The following COL5A2 variants were observed in gnomAD, a reference collection of about 807,000 sequenced individuals.
The protein encoded by COL5A2 is collagen alpha-2(V) chain.
COL5A2 carries 23 observed loss-of-function variants against 208.2 expected under a neutral mutation model. The observed-to-expected ratio is 0.11, with a 90% CI of 0.08 to 0.16. COL5A2 has a LOEUF of 0.16. Among genes scored for constraint, COL5A2 ranks in the 10% least tolerant of loss-of-function variants. COL5A2 has a pLI of 1.00. For missense variants in COL5A2, 1,590 were observed against 1,956.4 expected, an observed-to-expected ratio of 0.81 and a Z score of 3.53; for synonymous variants, 625 against 628.5, an observed-to-expected ratio of 0.99 and a Z score of 0.08.
At chr2:189,058,402 A>T in intron 33 of COL5A2, 27 bp downstream of exon 33, 1 of 1,570,826 alleles carries the variant, frequency 6.4e-7, no homozygotes, top group Non-Finnish European at 8.8e-7. Flanking sequence ...AAGCATTTTA[A>T]AACACTGAGA....
At chr2:189,206,359 T>C (rs1019897229) in intron 1 of COL5A2, among the ~76,000 whole-genome samples, 2 of 152,162 alleles carry the variant, frequency 1.3e-5, no homozygotes, top group African/African-American at 4.8e-5. Context: ...TATGACACTC[T>C]CAGAAACCTA....
chr2:189,371,185 C>T, the COL5A2 span, among the ~76,000 whole-genome samples: 1 of 152,144 alleles, frequency 6.6e-6, no homozygotes, highest in African/African-American at 2.4e-5. Flanking sequence ...GAGACCTCAC[C>T]AGGAGCAGAT....
intron 1 of COL5A2, among the ~76,000 whole-genome samples, chr2:189,133,271 C>A (rs1687759230): frequency 7.4e-6 from 1 of 135,980 alleles, no homozygotes; most frequent in Non-Finnish European, 1.6e-5. Flanking sequence ...CACCACCTGC[C>A]ACCACGCCTG....
chr2:189,071,228 T>C (rs1686266896), intron 18 of COL5A2, among the ~76,000 whole-genome samples: 1 of 152,208 alleles, frequency 6.6e-6, no homozygotes, highest in Non-Finnish European at 1.5e-5. Flanking sequence ...CAGGTGACTG[T>C]CCGTGACCGC....
the COL5A2 span, among the ~76,000 whole-genome samples, chr2:189,266,667 T>A: frequency 1.6e-3 from 238 of 152,082 alleles, no homozygotes; most frequent in African/African-American, 5.3e-3. Flanking sequence ...GTTTTGGGGA[T>A]GGGGTGATGA....
At chr2:189,304,737 CT>C in the COL5A2 span, among the ~76,000 whole-genome samples, 1 of 152,198 alleles carries the variant, frequency 6.6e-6, no homozygotes, top group South Asian at 2.1e-4. Flanking sequence ...AATAGCCAAA[CT>C]ATATCACCAG....
At chr2:189,343,268 C>T in the COL5A2 span, among the ~76,000 whole-genome samples, 3 of 151,940 alleles carry the variant, frequency 2.0e-5, no homozygotes, top group Non-Finnish European at 2.9e-5. Context: ...CAAAATTATT[C>T]TTTTTTCATA....
rs117022907 is a variant in COL5A2, at chr2:189,075,018, T to G, written c.1104+375A>C. ...TAAGTATAACCCTTCATGATATAGC[T>G]CTCGCCTCTCAATCCAATTTTACCT... On this transcript the variant is annotated intron_variant, in intron 17 of 53. Coordinates refer to ENST00000374866, the MANE Select transcript of COL5A2 (RefSeq NM_000393.5). Among the ~76,000 whole-genome samples, 120 of 152,268 alleles carry G rather than the reference T, an allele frequency of 7.9e-4. 1 individual carries two copies. The East Asian group carries it at 0.018, about 22-fold the overall frequency.
chr2:189,233,623 T>C, the COL5A2 span, among the ~76,000 whole-genome samples: 55 of 151,858 alleles, frequency 3.6e-4, no homozygotes, highest in African/African-American at 1.3e-3. Context: ...TATTCCATTG[T>C]TTTATTGTTG....
At chr2:189,235,713 A>G in the COL5A2 span, among the ~76,000 whole-genome samples, 6 of 151,756 alleles carry the variant, frequency 4.0e-5, no homozygotes, top group Non-Finnish European at 5.9e-5. Context: ...GTTCCATTCG[A>G]CTGCTCTTAG....
the COL5A2 span, among the ~76,000 whole-genome samples, chr2:189,327,859 T>C: frequency 3.3e-5 from 5 of 152,226 alleles, no homozygotes; most frequent in African/African-American, 1.2e-4. Context: ...GAGTTCATGC[T>C]GAATCAATTT....
At chr2:189,258,548 C>T in the COL5A2 span, among the ~76,000 whole-genome samples, 1 of 152,116 alleles carries the variant, frequency 6.6e-6, no homozygotes, top group Middle Eastern at 3.2e-3. Context: ...TTTTGCTTAA[C>T]ATGATAACTC....
At chr2:189,188,606 A>G (rs528919914) in intron 1 of COL5A2, among the ~76,000 whole-genome samples, 3 of 152,322 alleles carry the variant, frequency 2.0e-5, no homozygotes, top group Admixed American at 6.5e-5. Flanking sequence ...AGCTTTTTAA[A>G]TGGCAGGACT....
chr2:189,431,565 C>T, the COL5A2 span, among the ~76,000 whole-genome samples: 12 of 151,998 alleles, frequency 7.9e-5, no homozygotes, highest in African/African-American at 2.2e-4. Context: ...GCTTCAATAG[C>T]TGATTCAATC....
chr2:189,367,208 A>C, the COL5A2 span, among the ~76,000 whole-genome samples: 4 of 151,968 alleles, frequency 2.6e-5, no homozygotes, highest in Non-Finnish European at 5.9e-5. Context: ...TATATCTGAT[A>C]TTTTCCTTTT....
chr2:189,188,150 C>CT, intron 1 of COL5A2, among the ~76,000 whole-genome samples: 1 of 152,044 alleles, frequency 6.6e-6, no homozygotes. Flanking sequence ...GTGTACAGTT[C>CT]TTTAAGTTTT....
chr2:189,387,322 G>A, the COL5A2 span, among the ~76,000 whole-genome samples: 1 of 152,160 alleles, frequency 6.6e-6, no homozygotes, highest in Non-Finnish European at 1.5e-5. Context: ...TAGTGATAGA[G>A]AGAGGAATGG....
the COL5A2 span, among the ~76,000 whole-genome samples, chr2:189,244,618 T>C: frequency 6.6e-6 from 1 of 152,238 alleles, no homozygotes; most frequent in Non-Finnish European, 1.5e-5. Context: ...GTCCACATTA[T>C]TATCAGCATT....
the COL5A2 span, among the ~76,000 whole-genome samples, chr2:189,231,270 G>T: frequency 6.6e-6 from 1 of 151,726 alleles, no homozygotes; most frequent in East Asian, 1.9e-4. Context: ...TGTGCTTACA[G>T]TAAACAACAC....
Sources: gnomAD v4.1 joint callset for allele counts (sites outside exome capture counted in the v4.1 genomes callset) on GRCh38, gnomAD v4.1.1 for gene constraint, MANE v1.5 for transcripts, NCBI Gene and HGNC (gene_info 2026-07-23, HGNC 2026-07-21) for gene names.